RANBP2: variants seen among roughly 807,000 people sequenced by gnomAD.
The protein encoded by RANBP2 is RAN binding protein 2.
RANBP2 carries 57 observed loss-of-function variants against 303.6 expected under a neutral mutation model. The ratio of observed to expected loss-of-function variants is 0.19; its 90% CI spans 0.15 to 0.23. The LOEUF is 0.23. Ranked by LOEUF, RANBP2 falls within the 10% of genes least tolerant of loss-of-function variation. The pLI, the probability that RANBP2 is intolerant of heterozygous loss-of-function variation, is 1.00. For synonymous variants in RANBP2, 1,167 were observed against 1,301.5 expected, an observed-to-expected ratio of 0.90 and a Z score of 2.23; for missense variants, 3,138 against 3,780.8, an observed-to-expected ratio of 0.83 and a Z score of 4.46.
At chr2:108,834,390 A>G in the RANBP2 span, among the ~76,000 whole-genome samples, 1 of 151,694 alleles carries the variant, frequency 6.6e-6, no homozygotes, top group Non-Finnish European at 1.5e-5. Context: ...TTGCATTTTT[A>G]ATAGAGACAG....
chr2:109,459,227 T>A, the RANBP2 span, among the ~76,000 whole-genome samples: 71,754 of 152,002 alleles, frequency 0.47, 18,422 homozygotes, highest in Non-Finnish European at 0.56. Flanking sequence ...AAGGTACTGC[T>A]TAATATACAC....
chr2:109,085,378 A>G, the RANBP2 span, among the ~76,000 whole-genome samples: 2 of 152,098 alleles, frequency 1.3e-5, no homozygotes, highest in African/African-American at 4.8e-5. Flanking sequence ...ATCTCGGCTC[A>G]CTGCAATCTC....
chr2:109,495,477 C>CTTT, the RANBP2 span, among the ~76,000 whole-genome samples: 655 of 94,180 alleles, frequency 7.0e-3, 39 homozygotes, highest in African/African-American at 0.01. Flanking sequence ...TCTTTCATTC[C>CTTT]TTTTTTTTTT....
At chr2:109,438,432 C>T in the RANBP2 span, among the ~76,000 whole-genome samples, 7 of 152,144 alleles carry the variant, frequency 4.6e-5, no homozygotes, top group African/African-American at 1.7e-4. Flanking sequence ...TGGTGGTGTA[C>T]CTGTCAAGCA....
At chr2:109,160,930 C>G in the RANBP2 span, among the ~76,000 whole-genome samples, 1 of 152,126 alleles carries the variant, frequency 6.6e-6, no homozygotes, top group Admixed American at 6.5e-5. Flanking sequence ...GGATTAGAGC[C>G]TCAACCAGGG....
At chr2:109,094,034 G>A in the RANBP2 span, among the ~76,000 whole-genome samples, 3 of 152,204 alleles carry the variant, frequency 2.0e-5, no homozygotes, top group African/African-American at 4.8e-5. Flanking sequence ...TCCGCATTAC[G>A]AGAGAAACTT....
chr2:109,615,056 C>A, the RANBP2 span: 1 of 1,549,094 alleles, frequency 6.5e-7, no homozygotes, highest in Non-Finnish European at 8.7e-7. Flanking sequence ...CGGACAGGGG[C>A]AGCTCCCTTG....
rs1197114247 is a variant in RANBP2, at chr2:108,766,215, T to A, written c.5676T>A (p.Pro1892=). Reference sequence around the variant, plus strand: ...CAACCAAAGAAGGATTTTCCATCCCTGTGTCTGCTGATGGATTTAAATTTG... The same window carrying A: ...CAACCAAAGAAGGATTTTCCATCCCAGTGTCTGCTGATGGATTTAAATTTG... The part of the protein sequence containing the change: ...FKSTKEGFSI[P]VSADGFKFGI... Residue 1892 remains proline (P), a synonymous_variant, in exon 20 of 29, where the codon CCT becomes CCA. Transcript: ENST00000283195. 1 of 1,612,224 alleles carries A rather than the reference T, an allele frequency of 6.2e-7. No individual in the cohort carries two copies. Among genetic ancestry groups the A allele is most frequent in the Admixed American group, 1.7e-5 (1 of 60,018 alleles).
At chr2:108,838,437 G>A in the RANBP2 span, among the ~76,000 whole-genome samples, 1 of 152,112 alleles carries the variant, frequency 6.6e-6, no homozygotes, top group African/African-American at 2.4e-5. Context: ...TTATTTCCAG[G>A]TTTTACTCTT....
intron 7 of RANBP2, among the ~76,000 whole-genome samples, chr2:108,742,030 C>G (rs1490971339): frequency 6.6e-6 from 1 of 151,482 alleles, no homozygotes; most frequent in Non-Finnish European, 1.5e-5. Flanking sequence ...GGGTTTTGCT[C>G]TTGTTGCCCA....
the RANBP2 span, among the ~76,000 whole-genome samples, chr2:108,796,497 G>T: frequency 3.9e-5 from 6 of 152,128 alleles, no homozygotes; most frequent in African/African-American, 1.4e-4. Flanking sequence ...CCCGAAAAAA[G>T]AAAACGGCGT....
chr2:108,831,324 C>T, the RANBP2 span, among the ~76,000 whole-genome samples: 1 of 152,168 alleles, frequency 6.6e-6, no homozygotes, highest in Non-Finnish European at 1.5e-5. Context: ...TCACAGTTCC[C>T]TACTACTGCC....
chr2:109,714,152 C>T, the RANBP2 span, among the ~76,000 whole-genome samples: 2 of 152,134 alleles, frequency 1.3e-5, no homozygotes, highest in Non-Finnish European at 2.9e-5. Context: ...ATGATCTCAG[C>T]TAACTGCAAC....
At chr2:108,848,726 C>T in the RANBP2 span, among the ~76,000 whole-genome samples, 2 of 152,078 alleles carry the variant, frequency 1.3e-5, no homozygotes, top group East Asian at 3.9e-4. Flanking sequence ...GAGGCTTAGC[C>T]AACTTTAAAA....
At chr2:109,507,015 G>C in the RANBP2 span, among the ~76,000 whole-genome samples, 1 of 152,222 alleles carries the variant, frequency 6.6e-6, no homozygotes, top group Non-Finnish European at 1.5e-5. Context: ...GTCCATGCCA[G>C]TCCCGCAGTC....
chr2:109,064,069 C>T, the RANBP2 span, among the ~76,000 whole-genome samples: 1 of 152,150 alleles, frequency 6.6e-6, no homozygotes, highest in African/African-American at 2.4e-5. Context: ...TCTAAAGTGC[C>T]AAGCACTGTG....
chr2:109,537,213 G>A, the RANBP2 span, among the ~76,000 whole-genome samples: 1 of 152,142 alleles, frequency 6.6e-6, no homozygotes. Flanking sequence ...AAATCAGAAA[G>A]TCTCCTTCTA....
chr2:109,561,275 C>T, the RANBP2 span, among the ~76,000 whole-genome samples: 1 of 152,142 alleles, frequency 6.6e-6, no homozygotes, highest in Non-Finnish European at 1.5e-5. Context: ...CCCCAAGTTA[C>T]TACAGCTCAA....
At chr2:109,231,054 A>G in the RANBP2 span, among the ~76,000 whole-genome samples, 1 of 152,258 alleles carries the variant, frequency 6.6e-6, no homozygotes, top group Non-Finnish European at 1.5e-5. Flanking sequence ...ACAGAGCAGC[A>G]GAGTTGGCTT....
Sources: allele counts gnomAD v4.1 joint callset (sites outside exome capture counted in the v4.1 genomes callset), GRCh38; gene constraint gnomAD v4.1.1; transcripts MANE v1.5; gene names NCBI Gene and HGNC (gene_info 2026-07-23, HGNC 2026-07-21).